Variants in UBE2K observed in about 807,000 individuals in gnomAD.
UBE2K encodes ubiquitin conjugating enzyme E2 K, also known as ubiquitin-conjugating enzyme E2 K.
In UBE2K, 6 loss-of-function variants were observed where a neutral mutation model predicts 30.0. That is an observed-to-expected ratio of 0.20 (90% CI 0.11 to 0.39). The LOEUF is 0.39. UBE2K is among the 10% of genes least tolerant of loss of function. The pLI, the probability that UBE2K is intolerant of heterozygous loss-of-function variation, is 1.00. For synonymous variants in UBE2K, 86 were observed against 83.7 expected, an observed-to-expected ratio of 1.03 and a Z score of -0.15; for missense variants, 61 against 241.6, an observed-to-expected ratio of 0.25 and a Z score of 4.96.
intron 3 of UBE2K, 55 bp from the exon 4 acceptor site, chr4:39,755,602 A>G (rs1721485782): frequency 1.6e-5 from 20 of 1,270,650 alleles, no homozygotes; most frequent in Non-Finnish European, 2.2e-5. Flanking sequence ...TTGTAGTTCT[A>G]CTTAAACTGT....
intron 1 of UBE2K, among the ~76,000 whole-genome samples, chr4:39,700,721 A>T (rs1352491850): frequency 2.0e-5 from 3 of 152,090 alleles, no homozygotes; most frequent in Non-Finnish European, 4.4e-5. Flanking sequence ...AGTTTATTTC[A>T]TGTGTTTGTA....
intron 3 of UBE2K, among the ~76,000 whole-genome samples, chr4:39,751,933 C>A (rs1721279051): frequency 6.6e-6 from 1 of 152,156 alleles, no homozygotes; most frequent in Admixed American, 6.5e-5. Flanking sequence ...CACCACCGCA[C>A]TCCAGCCCAG....
At chr4:39,749,988 C>T (rs756650925) in intron 3 of UBE2K, among the ~76,000 whole-genome samples, 23 of 152,280 alleles carry the variant, frequency 1.5e-4, no homozygotes, top group Non-Finnish European at 2.9e-4. Context: ...CACCAGAGGT[C>T]AGGAGTTCAA....
chr4:39,733,207 G>T (rs1363923714), intron 1 of UBE2K, among the ~76,000 whole-genome samples: 3 of 151,986 alleles, frequency 2.0e-5, no homozygotes, highest in East Asian at 3.8e-4. Context: ...AGCTACAGCT[G>T]CCTTGGTTGT....
At chr4:39,759,775 G>C (rs1234632644) in intron 4 of UBE2K, among the ~76,000 whole-genome samples, 2 of 152,082 alleles carry the variant, frequency 1.3e-5, no homozygotes, top group Non-Finnish European at 2.9e-5. Context: ...TGGTCGATAA[G>C]GTATGCTCAG....
At chr4:39,737,624 GT>G in intron 2 of UBE2K, 111 bp downstream of exon 2, 2 of 678,176 alleles carry the variant, frequency 2.9e-6, no homozygotes, top group Non-Finnish European at 4.8e-6. Flanking sequence ...ACTTCATTTG[GT>G]TTAGATAAAC....
chr4:39,749,563 C>T (rs1721148695), intron 3 of UBE2K, among the ~76,000 whole-genome samples: 1 of 152,096 alleles, frequency 6.6e-6, no homozygotes, highest in African/African-American at 2.4e-5. Context: ...CCTGTAGTCT[C>T]AGCTACTCAG....
At chr4:39,715,647 A>G (rs1033840714) in intron 1 of UBE2K, among the ~76,000 whole-genome samples, 19 of 151,856 alleles carry the variant, frequency 1.3e-4, no homozygotes, top group Non-Finnish European at 2.8e-4. Context: ...TTTCTGGTGT[A>G]TTTTACTTAT....
chr4:39,724,583 C>CAAAA (rs60854193), intron 1 of UBE2K, among the ~76,000 whole-genome samples: 3 of 52,132 alleles, frequency 5.8e-5, no homozygotes, highest in African/African-American at 1.6e-4. Flanking sequence ...CCCGTCTCTG[C>CAAAA]AAAAAAAAAA....
chr4:39,753,492 A>G (rs1721376007), intron 3 of UBE2K, among the ~76,000 whole-genome samples: 1 of 152,216 alleles, frequency 6.6e-6, no homozygotes, highest in Non-Finnish European at 1.5e-5. Context: ...TGAGTCGCTT[A>G]CATCTGGAGA....
chr4:39,770,102 C>G, intron 4 of UBE2K: 4 of 1,570,304 alleles, frequency 2.5e-6, no homozygotes, highest in Non-Finnish European at 3.4e-6. Flanking sequence ...GGACATTAAT[C>G]TCGGCCACAC....
chr4:39,777,394 A>T (rs1025157133), intron 5 of UBE2K, among the ~76,000 whole-genome samples: 3 of 152,196 alleles, frequency 2.0e-5, no homozygotes, highest in Non-Finnish European at 4.4e-5. Flanking sequence ...ATCTCTTAAT[A>T]CCTCACTTAA....
At chr4:39,777,336 A>C (rs1005873756) in intron 5 of UBE2K, among the ~76,000 whole-genome samples, 2 of 152,222 alleles carry the variant, frequency 1.3e-5, no homozygotes, top group Admixed American at 6.5e-5. Flanking sequence ...ATAAGCTAGT[A>C]ATCTGTGTTC....
intron 3 of UBE2K, among the ~76,000 whole-genome samples, chr4:39,751,684 T>C (rs1341504367): frequency 2.0e-5 from 3 of 149,232 alleles, no homozygotes; most frequent in Non-Finnish European, 4.4e-5. Flanking sequence ...CAAAAATAAA[T>C]AAAAAAGGCC....
chr4:39,722,840 A>G (rs1259283567), intron 1 of UBE2K, among the ~76,000 whole-genome samples: 12 of 149,890 alleles, frequency 8.0e-5, no homozygotes, highest in African/African-American at 2.9e-4. Context: ...CTGTCACCTA[A>G]GCTGGAGTGC....
chr4:39,712,538 T>C (rs1483115605), intron 1 of UBE2K, among the ~76,000 whole-genome samples: 1 of 152,018 alleles, frequency 6.6e-6, no homozygotes, highest in Non-Finnish European at 1.5e-5. Flanking sequence ...CAAGCAATTC[T>C]CCTGCCTCAG....
At chr4:39,714,095 T>C (rs1224801856) in intron 1 of UBE2K, 2 of 152,258 alleles carry the variant, frequency 1.3e-5, no homozygotes, top group East Asian at 1.9e-4. Flanking sequence ...ACACTACTTT[T>C]TGTAGAGATG....
intron 1 of UBE2K, among the ~76,000 whole-genome samples, chr4:39,700,793 C>T (rs1371052351): frequency 2.0e-5 from 3 of 151,888 alleles, no homozygotes; most frequent in Non-Finnish European, 2.9e-5. Context: ...CTTATAAGAG[C>T]CTTTGTAAAG....
At chr4:39,702,849 T>C (rs1718113685) in intron 1 of UBE2K, among the ~76,000 whole-genome samples, 1 of 152,018 alleles carries the variant, frequency 6.6e-6, no homozygotes, top group South Asian at 2.1e-4. Context: ...CTCCTGTGCA[T>C]TGTGGGATGT....
Sources: allele counts gnomAD v4.1 joint callset (sites outside exome capture counted in the v4.1 genomes callset), GRCh38; gene constraint gnomAD v4.1.1; transcripts MANE v1.5; gene names NCBI Gene and HGNC (gene_info 2026-07-23, HGNC 2026-07-21).